Variants in CPSF6 observed in about 807,000 individuals in gnomAD.
CPSF6 encodes cleavage and polyadenylation specificity factor subunit 6.
Under a neutral mutation model 56.7 loss-of-function variants are expected in CPSF6, and 10 were observed. The observed-to-expected ratio is 0.18, with a 90% confidence interval of 0.11 to 0.30. The LOEUF (loss-of-function observed/expected upper bound fraction) is 0.30. Ranked by LOEUF, CPSF6 falls within the 10% of genes least tolerant of loss-of-function variation. The pLI is 1.00. For synonymous variants in CPSF6, 248 were observed against 244.8 expected, an observed-to-expected ratio of 1.01 and a Z score of -0.12; for missense variants, 419 against 722.9, an observed-to-expected ratio of 0.58 and a Z score of 4.82.
rs1486694827 is a variant in CPSF6, at chr12:69,251,259, T to G, written c.191T>G (p.Val64Gly). The change falls in exon 2 of 10, where the codon GTG becomes GGG. Residue 64 changes from valine to glycine, a missense_variant. Physicochemically the swap from Val to Gly is moderately radical, Grantham distance 109. Coordinates refer to ENST00000435070, the MANE Select transcript of CPSF6 (RefSeq NM_007007.3). ...DTLPPTVGDD[V>G]GKGAAPNVVY... ...CTCCCACCAACTGTTGGTGATGATG[T>G]GGGTAAAGGAGCAGCACCAAATGTT... is the stretch of plus-strand genomic sequence containing the variant. 6.2e-7 allele frequency: 1 copy of G among 1,612,704 alleles called. No homozygotes were observed. The highest frequency in any genetic ancestry group is 8.5e-7 in the Non-Finnish European group (1 of 1,179,582).
chr12:69,239,862 C>G (rs1187170501), intron 1 of CPSF6, among the ~76,000 whole-genome samples, 156 bp downstream of exon 1: 1 of 149,260 alleles, frequency 6.7e-6, no homozygotes, highest in Non-Finnish European at 1.5e-5. Flanking sequence ...GGCGCCCCCC[C>G]GCCCCTCGTT....
At chr12:69,261,507 A>G (rs1385052212) in intron 8 of CPSF6, among the ~76,000 whole-genome samples, 2 of 151,966 alleles carry the variant, frequency 1.3e-5, no homozygotes, top group East Asian at 1.9e-4. Context: ...CGAGGATGAA[A>G]TGAACTGTGA....
intron 1 of CPSF6, among the ~76,000 whole-genome samples, chr12:69,250,598 A>G (rs1872187601): frequency 8.5e-6 from 1 of 117,212 alleles, no homozygotes; most frequent in African/African-American, 3.3e-5. Context: ...TACAAAAAAA[A>G]AAAAAAAAAG....
At chr12:69,262,312 A>C in intron 8 of CPSF6, 61 bp from the exon 9 acceptor site, 1 of 1,441,328 alleles carries the variant, frequency 6.9e-7, no homozygotes. Context: ...ACATCAAAAA[A>C]TTGAATATTT....
In CPSF6 at chr12:69,271,468, T is replaced by C. The variant is rs998139038; in HGVS notation, c.*1960T>C. The C allele has an allele frequency of 4.6e-5, 7 of 151,736 alleles. No individual in the cohort carries two copies. Among genetic ancestry groups the C allele is most frequent in the South Asian group, 2.1e-4 (1 of 4,830 alleles). The allele number at this position is 151,736 out of a possible 1,614,324, so 9.4% of individuals were successfully genotyped here. A position where few individuals can be genotyped will look rare whatever the true frequency, so the allele number is the denominator to read the frequency against. ...CAGTTTAAAAATGGAATCACAAAAA[T>C]CTAACTGCACTTGAAATGAAACTGG... On this transcript the variant is annotated 3_prime_UTR_variant, in exon 10 of 10. Transcript: ENST00000435070.
rs575037062 is a variant in CPSF6, at chr12:69,245,254, G to GC, written c.60+5549dup. Reference sequence around the variant, plus strand: ...GAGCACAGTAGGTTTGTTCACACCAGCATTACGAGCCCAAACGTGAGGAAT... The same window carrying GC: ...GAGCACAGTAGGTTTGTTCACACCAGCCATTACGAGCCCAAACGTGAGGAAT... On this transcript the variant is annotated intron_variant, in intron 1 of 9. Transcript: ENST00000435070. 2.0e-5 allele frequency among the ~76,000 whole-genome samples: 3 copies of GC among 152,024 alleles called. No homozygotes were observed. In the South Asian group the frequency reaches 6.2e-4, roughly 32 times the overall value.
Position 69,251,317 on chromosome 12 carries a change from A to G in CPSF6, c.249A>G (p.Leu83=), listed in dbSNP as rs1872231114. ...VYTYTGKRIA[L]YIGNLTWWTT... is the part of the protein sequence containing the mutation. ...CATATACTGGAAAGAGAATTGCATT[A>G]TATATTGGAAATCTAACATGGGTAA... The change falls in exon 2 of 10, where the codon TTA becomes TTG. Residue 83 remains leucine, a synonymous_variant. Coordinates refer to ENST00000435070, the MANE Select transcript of CPSF6 (RefSeq NM_007007.3). 2 of 1,567,550 alleles carry G rather than the reference A, an allele frequency of 1.3e-6. No homozygotes were observed. The highest frequency in any genetic ancestry group is 1.1e-5 in the South Asian group (1 of 89,596).
chr12:69,249,302 A>G (rs1466396597), intron 1 of CPSF6, among the ~76,000 whole-genome samples: 1 of 152,082 alleles, frequency 6.6e-6, no homozygotes, highest in East Asian at 1.9e-4. Flanking sequence ...TTAAAATTAA[A>G]AAAATACAAA....
intron 1 of CPSF6, among the ~76,000 whole-genome samples, chr12:69,247,802 G>A (rs1364334068): frequency 6.6e-6 from 1 of 152,150 alleles, no homozygotes; most frequent in Non-Finnish European, 1.5e-5. Flanking sequence ...TGATTAAAAG[G>A]AAGGTTACTG....
chr12:69,256,794 C>T lies in CPSF6; in HGVS notation c.472C>T (p.Pro158Ser). 6.2e-7 allele frequency: 1 copy of T among 1,613,584 alleles called. No homozygotes were observed. The highest frequency in any genetic ancestry group is 8.5e-7 in the Non-Finnish European group (1 of 1,179,758). ...TCATGGTCAGAATCCTGTTGTAACT[C>T]CATGCAATAAACAGTTCCTGAGTCA... ...ELHGQNPVVT[P>S]CNKQFLSQFE... The change falls in exon 4 of 10, where the codon CCA (proline) becomes TCA (serine). Residue 158 changes from proline (P) to serine (S), a missense_variant. Transcript: ENST00000435070.
At chr12:69,264,610 C>T (rs1370967722) in intron 9 of CPSF6, among the ~76,000 whole-genome samples, 1 of 152,094 alleles carries the variant, frequency 6.6e-6, no homozygotes, top group Non-Finnish European at 1.5e-5. Context: ...TTTGTTTGTA[C>T]ATTAATCAGA....
intron 9 of CPSF6, among the ~76,000 whole-genome samples, chr12:69,267,085 G>T (rs1873025969): frequency 6.6e-6 from 1 of 151,986 alleles, no homozygotes; most frequent in Non-Finnish European, 1.5e-5. Context: ...ATAGAGAAAA[G>T]TGAATTTTAT....
At chr12:69,260,294 TACTG>T (rs1161618771) in intron 8 of CPSF6, 97 bp downstream of exon 8, 2 of 939,456 alleles carry the variant, frequency 2.1e-6, no homozygotes, top group African/African-American at 3.5e-5. Context: ...TGCTTTTACT[TACTG>T]ATTATTTAGC....
At chr12:69,268,979 C>A (rs1313245076) in intron 9 of CPSF6, among the ~76,000 whole-genome samples, 1 of 151,948 alleles carries the variant, frequency 6.6e-6, no homozygotes, top group African/African-American at 2.4e-5. Context: ...ATCTTACTTA[C>A]AAATTTTGTA....
intron 9 of CPSF6, 26 bp from the exon 10 acceptor site, chr12:69,269,486 A>G (rs1384582904): frequency 2.2e-6 from 1 of 452,764 alleles, no homozygotes; most frequent in Non-Finnish European, 4.4e-6. Flanking sequence ...AGCAAAATCT[A>G]CATCACAAAT....
chr12:69,240,645 A>T (rs1195464496), intron 1 of CPSF6, among the ~76,000 whole-genome samples: 2 of 152,158 alleles, frequency 1.3e-5, no homozygotes, highest in Non-Finnish European at 2.9e-5. Flanking sequence ...ATAAAGAGTT[A>T]TAGATAAGAC....
At position 69,240,579 on chromosome 12, in the gene CPSF6, C is replaced by T. The variant is rs1243974328; in HGVS notation, c.60+873C>T. Among the ~76,000 whole-genome samples, 7 of 152,092 alleles carry T rather than the reference C, an allele frequency of 4.6e-5. No individual in the cohort carries two copies. In the East Asian group the frequency reaches 1.4e-3, roughly 29 times the overall value. On this transcript the variant is annotated intron_variant, in intron 1 of 9. Transcript: ENST00000435070. ...AAGATGTTAGCTCACCCACAGATCT[C>T]ATAGTGATTAAAATGAAAGAACGTT... is the stretch of plus-strand genomic sequence containing the variant.
rs1474026996 is a variant in CPSF6 at position 69,271,806 on chromosome 12, T to C, written c.*2298T>C. The C allele has an allele frequency of 6.6e-6, 1 of 151,744 alleles. No individual in the cohort carries two copies. The highest frequency in any genetic ancestry group is 2.4e-5 in the African/African-American group (1 of 41,408). 9.4% of individuals were successfully genotyped at this position (151,744 alleles called of 1,614,324 possible). ...GTTCTTCATACCCCCTTCAGTTGTT[T>C]ATGGGTTAATGTTATTTGAAAACTC... On this transcript the variant is annotated 3_prime_UTR_variant, in exon 10 of 10. Coordinates refer to ENST00000435070, the MANE Select transcript of CPSF6 (RefSeq NM_007007.3).
Position 69,256,773 on chromosome 12 carries a change from G to C in CPSF6, c.451G>C (p.Gly151Arg). ...MDLLPKRELH[G>R]QNPVVTPCNK... ...TCTGTTACCTAAAAGAGAACTTCAT[G>C]GTCAGAATCCTGTTGTAACTCCATG... The change falls in exon 4 of 10, where the codon GGT becomes CGT. Residue 151 changes from glycine to arginine, a missense_variant. By Grantham distance (125) the Gly-to-Arg change is moderately radical. Around this residue, in one of 4 missense-constraint regions of CPSF6, gnomAD observed 125 missense variants for 216.4 expected, o/e 0.58. Transcript: ENST00000435070. 1 of 1,613,786 alleles carries C rather than the reference G, an allele frequency of 6.2e-7. No individual in the cohort carries two copies. The highest frequency in any genetic ancestry group is 8.5e-7 in the Non-Finnish European group (1 of 1,179,798).
Sources: allele counts gnomAD v4.1 joint callset (sites outside exome capture counted in the v4.1 genomes callset), GRCh38; gene constraint gnomAD v4.1.1; regional missense constraint gnomAD v4.1.1; transcripts MANE v1.5; gene names NCBI Gene and HGNC (gene_info 2026-07-23, HGNC 2026-07-21).